Variants in SAMMSON observed in about 807,000 individuals in gnomAD.
The protein encoded by SAMMSON is long intergenic non-protein coding RNA 1212.
At chr3:70,019,545 G>A (rs1381221813) in intron 3 of SAMMSON, among the ~76,000 whole-genome samples, 1 of 152,152 alleles carries the variant, frequency 6.6e-6, no homozygotes, top group South Asian at 2.1e-4. Flanking sequence ...CAATTGGCCA[G>A]TCTGTGTCTT....
At chr3:70,429,523 T>A (rs2106779077) in intron 2 of SAMMSON, among the ~76,000 whole-genome samples, 1 of 152,344 alleles carries the variant, frequency 6.6e-6, no homozygotes, top group Non-Finnish European at 1.5e-5. Context: ...GGTAGCTTGA[T>A]GGGGATAGCA....
chr3:70,094,917 A>G (rs2067318171), intron 4 of SAMMSON: 1 of 152,240 alleles, frequency 6.6e-6, no homozygotes, highest in Non-Finnish European at 1.5e-5. Context: ...ATCAATACAT[A>G]GAGGCTGTAC....
downstream of SAMMSON, among the ~76,000 whole-genome samples, chr3:70,392,110 G>T (rs961309581): frequency 2.6e-5 from 4 of 152,034 alleles, no homozygotes; most frequent in Non-Finnish European, 4.4e-5. Flanking sequence ...TTTGTTCTTT[G>T]ACCTTCTTTT....
intron 4 of SAMMSON, among the ~76,000 whole-genome samples, chr3:70,104,167 C>T (rs2067356573): frequency 6.6e-6 from 1 of 151,840 alleles, no homozygotes; most frequent in African/African-American, 2.4e-5. Context: ...GTTTCCTCTT[C>T]TGAATGTGAG....
chr3:70,220,883 G>A (rs1226595333), intron 4 of SAMMSON, among the ~76,000 whole-genome samples: 4 of 152,156 alleles, frequency 2.6e-5, no homozygotes, highest in African/African-American at 9.7e-5. Flanking sequence ...CCATCAGGGA[G>A]GGGAACCATG....
chr3:70,253,533 T>A (rs1701788649), intron 6 of SAMMSON, among the ~76,000 whole-genome samples: 1 of 152,164 alleles, frequency 6.6e-6, no homozygotes, highest in Admixed American at 6.5e-5. Flanking sequence ...ATAGGAAGCC[T>A]GAGCAACATA....
intron 6 of SAMMSON, among the ~76,000 whole-genome samples, chr3:70,275,960 C>A (rs1041947688): frequency 2.0e-5 from 3 of 151,798 alleles, no homozygotes; most frequent in African/African-American, 7.3e-5. Context: ...TATTCTTAAT[C>A]AAAATAAATG....
At chr3:70,022,429 A>C (rs1218398115) in intron 3 of SAMMSON, among the ~76,000 whole-genome samples, 8 of 33,442 alleles carry the variant, frequency 2.4e-4, no homozygotes, top group Non-Finnish European at 3.9e-4. Context: ...ATAATAACAA[A>C]AAAAAAAAAA....
At chr3:70,195,776 A>C (rs924790053) in intron 4 of SAMMSON, among the ~76,000 whole-genome samples, 2 of 152,252 alleles carry the variant, frequency 1.3e-5, no homozygotes, top group Non-Finnish European at 2.9e-5. Context: ...CAAGGACTAT[A>C]GAATTGTTTC....
chr3:70,137,219 A>ATAC (rs1435662558), intron 4 of SAMMSON, among the ~76,000 whole-genome samples: 1 of 152,210 alleles, frequency 6.6e-6, no homozygotes, highest in African/African-American at 2.4e-5. Flanking sequence ...CATGCTCTAC[A>ATAC]TACTACTTTG....
intron 4 of SAMMSON, among the ~76,000 whole-genome samples, chr3:70,154,691 G>A (rs1250553056): frequency 6.6e-6 from 1 of 152,056 alleles, no homozygotes; most frequent in Non-Finnish European, 1.5e-5. Context: ...GATTTAGTTA[G>A]CAATGGAGGA....
At position 70,167,122 on chromosome 3, in the gene SAMMSON, CT is replaced by C. The variant is rs1197893638; in HGVS notation, n.508-81978del. On this transcript the variant is annotated intron_variant and non_coding_transcript_variant, in intron 4 of 9. Coordinates refer to ENST00000642114, the Ensembl canonical transcript of SAMMSON. ...TTCTTTCCTCATATAATCAGTATAA[CT>C]TTTTTTAACTTAGTCTTTAAAATCC... Among the ~76,000 whole-genome samples the C allele has an allele frequency of 6.6e-5, 10 of 152,036 alleles. No homozygotes were observed. The East Asian group carries it at 1.4e-3, about 21-fold the overall frequency.
At chr3:70,260,602 T>C (rs566793034) in intron 6 of SAMMSON, among the ~76,000 whole-genome samples, 45 of 152,148 alleles carry the variant, frequency 3.0e-4, no homozygotes, top group African/African-American at 9.9e-4. Context: ...TATTAATCTT[T>C]CCTTTCAGGT....
At chr3:70,425,718 T>C (rs1204987186) in intron 2 of SAMMSON, among the ~76,000 whole-genome samples, 1 of 152,150 alleles carries the variant, frequency 6.6e-6, no homozygotes, top group South Asian at 2.1e-4. Flanking sequence ...GTCTATTTTC[T>C]ACACAATGGA....
At chr3:70,100,303 C>T (rs2067338765) in intron 4 of SAMMSON, among the ~76,000 whole-genome samples, 1 of 152,014 alleles carries the variant, frequency 6.6e-6, no homozygotes, top group African/African-American at 2.4e-5. Flanking sequence ...CGAGCCATAA[C>T]ATCCGGCTAA....
intron 2 of SAMMSON, among the ~76,000 whole-genome samples, chr3:70,416,822 A>C (rs1228214642): frequency 6.6e-6 from 1 of 152,188 alleles, no homozygotes; most frequent in Non-Finnish European, 1.5e-5. Context: ...GTAATGTTAG[A>C]TATTACCCAT....
At chr3:70,107,593 C>G (rs1465444613) in intron 4 of SAMMSON, among the ~76,000 whole-genome samples, 1 of 136,004 alleles carries the variant, frequency 7.4e-6, no homozygotes, top group Non-Finnish European at 1.6e-5. Context: ...TTCCGAATTT[C>G]TTCCTTAGTT....
intron 3 of SAMMSON, among the ~76,000 whole-genome samples, chr3:70,019,411 CTT>C (rs935040794): frequency 4.6e-5 from 7 of 151,964 alleles, no homozygotes; most frequent in African/African-American, 1.7e-4. Flanking sequence ...CAACCCCTGC[CTT>C]TTTTTGTTTT....
intron 6 of SAMMSON, among the ~76,000 whole-genome samples, chr3:70,277,568 G>A (rs993732173): frequency 1.5e-4 from 23 of 152,152 alleles, no homozygotes; most frequent in Non-Finnish European, 2.6e-4. Context: ...TGTCATAAGT[G>A]GAAAATTGGC....
Sources: gnomAD v4.1 joint callset for allele counts (sites outside exome capture counted in the v4.1 genomes callset) on GRCh38, gnomAD v4.1.1 for gene constraint, MANE v1.5 for transcripts, NCBI Gene and HGNC (gene_info 2026-07-23, HGNC 2026-07-21) for gene names.